Variants in SPTLC1 observed in about 807,000 individuals in gnomAD.
SPTLC1 encodes the protein serine palmitoyltransferase long chain base subunit 1.
In SPTLC1, 55 loss-of-function variants were observed where a neutral mutation model predicts 68.9. The observed-to-expected ratio is 0.80, with a 90% CI of 0.64 to 1.00. The LOEUF (loss-of-function observed/expected upper bound fraction) is 1.00. Ranked by LOEUF, SPTLC1 falls within the 50% of genes least tolerant of loss-of-function variation. The probability of loss-of-function intolerance (pLI) is 0.00; values close to 1 mark genes in which losing one functional copy is unlikely to be tolerated. For missense variants in SPTLC1, 449 were observed against 573.1 expected, an observed-to-expected ratio of 0.78 and a Z score of 2.21; for synonymous variants, 197 against 201.6, an observed-to-expected ratio of 0.98 and a Z score of 0.19.
chr9:92,067,588 T>C (rs1834338856), intron 6 of SPTLC1, among the ~76,000 whole-genome samples: 1 of 152,112 alleles, frequency 6.6e-6, no homozygotes, highest in Admixed American at 6.5e-5. Context: ...GGAAGCAAGA[T>C]CAGCTGAGAC....
At chr9:92,103,182 T>C (rs1835821354) in intron 3 of SPTLC1, among the ~76,000 whole-genome samples, 1 of 152,212 alleles carries the variant, frequency 6.6e-6, no homozygotes, top group South Asian at 2.1e-4. Context: ...AACATAATCT[T>C]TACATACGTG....
rs1054161714 is a variant in SPTLC1 at position 92,089,357 on chromosome 9, G to C, written c.261-8394C>G. ...GAACCCAGGAGGCAGAGGTTGCAGTGAGTCGAGATTGTGCCACTGCACTCC... is the reference window on the plus strand; with the variant it reads ...GAACCCAGGAGGCAGAGGTTGCAGTCAGTCGAGATTGTGCCACTGCACTCC... On this transcript the variant is annotated intron_variant, in intron 3 of 14. Coordinates refer to ENST00000262554, the MANE Select transcript of SPTLC1 (RefSeq NM_006415.4). Among the ~76,000 whole-genome samples, 97 of 152,240 alleles carry C rather than the reference G, an allele frequency of 6.4e-4. 1 individual carries two copies. The highest frequency in any genetic ancestry group is 3.1e-3 in the East Asian group (16 of 5,180).
At chr9:92,058,453 A>T (rs1386537062) in intron 7 of SPTLC1, among the ~76,000 whole-genome samples, 1 of 152,222 alleles carries the variant, frequency 6.6e-6, no homozygotes, top group African/African-American at 2.4e-5. Context: ...TCCTGCTCAG[A>T]ACCACAGACC....
intron 8 of SPTLC1, among the ~76,000 whole-genome samples, chr9:92,053,720 T>G (rs1833789128): frequency 6.6e-6 from 1 of 152,204 alleles, no homozygotes; most frequent in South Asian, 2.1e-4. Context: ...GGTAAATCCA[T>G]AGAGACAGAA....
intron 5 of SPTLC1, chr9:92,070,156 A>C (rs181502119): frequency 4.7e-4 from 71 of 152,322 alleles, no homozygotes; most frequent in African/African-American, 1.7e-3. Context: ...GTTCAAAAAG[A>C]CTAGTCTTTT....
intron 3 of SPTLC1, among the ~76,000 whole-genome samples, chr9:92,082,572 T>A (rs1325847290): frequency 6.6e-6 from 1 of 151,710 alleles, no homozygotes; most frequent in Non-Finnish European, 1.5e-5. Flanking sequence ...CATGAACTCA[T>A]CATTTTTTAT....
At chr9:92,060,151 T>C (rs1834037146) in intron 6 of SPTLC1, among the ~76,000 whole-genome samples, 1 of 152,136 alleles carries the variant, frequency 6.6e-6, no homozygotes, top group African/African-American at 2.4e-5. Flanking sequence ...GAATTGTTCC[T>C]CCTCCTGGCA....
In SPTLC1 at chr9:92,047,162, A is replaced by G. The variant is rs1057522506; in HGVS notation, c.1081+10T>C. ...TCTCTTTGATTCCTTGGGTTTTTAA[A>G]GGGTTATACCTGGATTCTCTTCCAT... On this transcript the variant is annotated intron_variant, in intron 11 of 14. Transcript: ENST00000262554. 1 of 1,605,340 alleles carries G rather than the reference A, an allele frequency of 6.2e-7. No homozygotes were observed. The highest frequency in any genetic ancestry group is 1.7e-4 in the Middle Eastern group (1 of 6,046).
intron 3 of SPTLC1, among the ~76,000 whole-genome samples, chr9:92,089,779 T>C (rs1008022529): frequency 3.3e-5 from 5 of 152,286 alleles, no homozygotes; most frequent in Non-Finnish European, 7.4e-5. Flanking sequence ...AGGATAAATA[T>C]GAATAAATTA....
intron 8 of SPTLC1, 37 bp downstream of exon 8, chr9:92,055,368 C>T: frequency 6.2e-7 from 1 of 1,611,958 alleles, no homozygotes; most frequent in Non-Finnish European, 8.5e-7. Context: ...GTCAAATAGT[C>T]CAAATATTAA....
At chr9:92,041,220 A>C (rs1833339577) in intron 12 of SPTLC1, among the ~76,000 whole-genome samples, 1 of 152,250 alleles carries the variant, frequency 6.6e-6, no homozygotes. Context: ...GAGATGAGAG[A>C]AGTGAGAAAT....
chr9:92,062,269 G>A (rs1272820960), intron 6 of SPTLC1, among the ~76,000 whole-genome samples: 1 of 152,196 alleles, frequency 6.6e-6, no homozygotes, highest in East Asian at 1.9e-4. Context: ...ATCAGAGACA[G>A]AGAAGAACAT....
Position 92,071,332 on chromosome 9 carries a change from G to A in SPTLC1, c.428-3234C>T, listed in dbSNP as rs928193359. Among the ~76,000 whole-genome samples the A allele has an allele frequency of 5.3e-5, 8 of 152,038 alleles. No homozygotes were observed. The East Asian group carries it at 7.7e-4, about 15-fold the overall frequency. On this transcript the variant is annotated intron_variant, in intron 5 of 14. Transcript: ENST00000262554. Reference sequence around the variant, plus strand: ...GGAGAATCGCCTGAACCCAGGAGGCGGAGGTTGCAGTGAGCCAAGATCACG... The same window carrying A: ...GGAGAATCGCCTGAACCCAGGAGGCAGAGGTTGCAGTGAGCCAAGATCACG...
At chr9:92,097,582 A>G (rs1835577251) in intron 3 of SPTLC1, among the ~76,000 whole-genome samples, 1 of 152,204 alleles carries the variant, frequency 6.6e-6, no homozygotes, top group African/African-American at 2.4e-5. Flanking sequence ...ACAAAGGCTA[A>G]GTATTGTTTA....
At position 92,106,117 on chromosome 9, in the gene SPTLC1, G is replaced by A. The variant is rs150793285; in HGVS notation, c.260+2623C>T. On this transcript the variant is annotated intron_variant, in intron 3 of 14. Coordinates refer to ENST00000262554, the MANE Select transcript of SPTLC1 (RefSeq NM_006415.4). Reference sequence around the variant, plus strand: ...TGGGAAGTGAGGAGCGCCTCTGCCCGGCCCCCTCACCATCTGGGAAGTGAG... The same window carrying A: ...TGGGAAGTGAGGAGCGCCTCTGCCCAGCCCCCTCACCATCTGGGAAGTGAG... 8.7e-3 allele frequency among the ~76,000 whole-genome samples: 1,322 copies of A among 151,790 alleles called. 12 individuals carry two copies. The Middle Eastern group carries it at 0.1, about 12-fold the overall frequency.
intron 13 of SPTLC1, among the ~76,000 whole-genome samples, chr9:92,035,101 G>C (rs972621169): frequency 1.3e-5 from 2 of 152,172 alleles, no homozygotes; most frequent in Non-Finnish European, 2.9e-5. Flanking sequence ...CCCAGCAGTC[G>C]CCATGAGCCC....
chr9:92,084,917 G>C (rs1400755176), intron 3 of SPTLC1, among the ~76,000 whole-genome samples: 1 of 152,218 alleles, frequency 6.6e-6, no homozygotes, highest in Admixed American at 6.5e-5. Context: ...CACAATTTCA[G>C]AGCTTGTTAT....
At chr9:92,087,978 C>T (rs933305718) in intron 3 of SPTLC1, among the ~76,000 whole-genome samples, 5 of 152,228 alleles carry the variant, frequency 3.3e-5, no homozygotes, top group Non-Finnish European at 5.9e-5. Context: ...GCCTCGCTGC[C>T]GCCTTGCAGT....
At chr9:92,049,896 C>T in intron 9 of SPTLC1, 64 bp downstream of exon 9, 3 of 1,088,500 alleles carry the variant, frequency 2.8e-6, no homozygotes, top group Non-Finnish European at 2.9e-6. Flanking sequence ...AAATATAGGC[C>T]TAGCAGAATG....
Sources: allele counts gnomAD v4.1 joint callset (sites outside exome capture counted in the v4.1 genomes callset), GRCh38; gene constraint gnomAD v4.1.1; transcripts MANE v1.5; gene names NCBI Gene and HGNC (gene_info 2026-07-23, HGNC 2026-07-21).